WDR72: variants seen among roughly 807,000 people sequenced by gnomAD.
WDR72 encodes the protein WD repeat domain 72, also known as WD repeat-containing protein 72.
In WDR72, 120 loss-of-function variants were observed where a neutral mutation model predicts 124.2. The ratio of observed to expected loss-of-function variants is 0.97; its 90% CI spans 0.83 to 1.12. The LOEUF is 1.12. Among genes scored for constraint, WDR72 ranks in the 50% most tolerant of loss-of-function variants. WDR72 has a pLI of 0.00. For synonymous variants in WDR72, 452 were observed against 441.7 expected (o/e 1.02, Z -0.29); for missense variants, 1,387 against 1,278.8 (o/e 1.08, Z -1.29).
At chr15:53,761,492 A>T (rs554913276), upstream of WDR72, among the ~76,000 whole-genome samples, 5 of 152,324 alleles carry the variant, frequency 3.3e-5, no homozygotes, top group East Asian at 9.7e-4. Context: ...AAAAGAAATC[A>T]ATATATCCAA....
At chr15:53,613,822 C>A (rs568447172) in intron 15 of WDR72, 65 bp from the exon 16 acceptor site, 75 of 1,127,888 alleles carry the variant, frequency 6.6e-5, no homozygotes, top group Non-Finnish European at 8.9e-5. Flanking sequence ...GGAAATAAAT[C>A]AAAGATATGG....
chr15:53,713,413 A>ATTTTATTTTATTTTATTTTATTTTG (rs2017608315), intron 6 of WDR72, among the ~76,000 whole-genome samples: 2 of 112,526 alleles, frequency 1.8e-5, no homozygotes, highest in African/African-American at 7.1e-5. Flanking sequence ...ATTTTGTTGT[A>ATTTTATTTTATTTTATTTTATTTTG]TTTTATTTTA....
At chr15:53,758,877 A>G (rs28625061) in intron 1 of WDR72, among the ~76,000 whole-genome samples, 1 of 151,598 alleles carries the variant, frequency 6.6e-6, no homozygotes, top group East Asian at 2.0e-4. Context: ...AAATGCTATA[A>G]TAAGTGGGGA....
intron 13 of WDR72, among the ~76,000 whole-genome samples, chr15:53,671,335 A>C (rs1316317485): frequency 2.6e-5 from 4 of 152,184 alleles, no homozygotes; most frequent in Non-Finnish European, 4.4e-5. Context: ...TCACCTCCTC[A>C]GAGAAGCCTT....
At chr15:53,571,408 C>T (rs1894521887) in intron 18 of WDR72, among the ~76,000 whole-genome samples, 1 of 152,144 alleles carries the variant, frequency 6.6e-6, no homozygotes, top group South Asian at 2.1e-4. Context: ...AACTACTACC[C>T]TATTCTCTGC....
intron 14 of WDR72, among the ~76,000 whole-genome samples, chr15:53,634,683 C>T (rs544924379): frequency 6.6e-6 from 1 of 152,274 alleles, no homozygotes; most frequent in South Asian, 2.1e-4. Context: ...TTAACCTACT[C>T]CAGTCAGTGC....
At chr15:53,712,279 A>G (rs183526436) in intron 7 of WDR72, among the ~76,000 whole-genome samples, 2 of 152,310 alleles carry the variant, frequency 1.3e-5, no homozygotes, top group Admixed American at 1.3e-4. Context: ...AGTATATCCT[A>G]ATTTTATTAA....
At chr15:53,715,143 G>C (rs2017666967) in intron 5 of WDR72, 50 bp downstream of exon 5, 1 of 1,586,634 alleles carries the variant, frequency 6.3e-7, no homozygotes, top group Non-Finnish European at 8.6e-7. Flanking sequence ...TTCAAAAGTA[G>C]ATATTTTTAT....
intron 13 of WDR72, among the ~76,000 whole-genome samples, chr15:53,686,637 C>T (rs1162938248): frequency 2.3e-4 from 34 of 149,206 alleles, no homozygotes; most frequent in African/African-American, 6.4e-4. Context: ...CCACTGTCAA[C>T]GTTAGACAGA....
At chr15:53,600,874 TC>T (rs1271057712) in intron 17 of WDR72, among the ~76,000 whole-genome samples, 1 of 152,182 alleles carries the variant, frequency 6.6e-6, no homozygotes, top group African/African-American at 2.4e-5. Flanking sequence ...AAATTAGCAA[TC>T]CCCAAACTTT....
chr15:53,703,172 C>A (rs1165334874), intron 11 of WDR72, among the ~76,000 whole-genome samples: 2 of 152,200 alleles, frequency 1.3e-5, no homozygotes, highest in Non-Finnish European at 2.9e-5. Flanking sequence ...CCTCAGCCTT[C>A]CAAAGTGCTG....
intron 1 of WDR72, among the ~76,000 whole-genome samples, chr15:53,753,937 T>C (rs11635620): frequency 0.14 from 21,020 of 152,110 alleles, 1,909 homozygotes; most frequent in Middle Eastern, 0.2. Flanking sequence ...CATCCCTAGA[T>C]TTGTATGACC....
At chr15:53,734,096 A>G (rs1026576609) in intron 1 of WDR72, among the ~76,000 whole-genome samples, 3 of 152,188 alleles carry the variant, frequency 2.0e-5, no homozygotes, top group Non-Finnish European at 4.4e-5. Flanking sequence ...GTAAATACCA[A>G]TATAAATTTT....
intron 14 of WDR72, among the ~76,000 whole-genome samples, chr15:53,652,483 G>C (rs946772966): frequency 3.9e-5 from 6 of 152,142 alleles, no homozygotes; most frequent in African/African-American, 1.4e-4. Flanking sequence ...AATTGTACTA[G>C]TCTTTGCATC....
intron 1 of WDR72, among the ~76,000 whole-genome samples, chr15:53,747,556 C>T (rs1297910925): frequency 6.6e-6 from 1 of 152,176 alleles, no homozygotes; most frequent in Non-Finnish European, 1.5e-5. Flanking sequence ...ACACTCATGA[C>T]CTGGAACACA....
At chr15:53,726,402 T>A (rs2018040356) in intron 2 of WDR72, among the ~76,000 whole-genome samples, 1 of 151,360 alleles carries the variant, frequency 6.6e-6, no homozygotes, top group African/African-American at 2.4e-5. Context: ...TACCTTCCAG[T>A]CAGTTTTGCT....
Position 53,617,463 on chromosome 15 carries a change from T to G in WDR72, c.1963-1220A>C, listed in dbSNP as rs546571732. ...TTTTACAGTGATGATATATTTAATT[T>G]TCAATAATAAAAAAGGAAAGTTTAA... On this transcript the variant is annotated intron_variant, in intron 14 of 19. Coordinates refer to ENST00000360509, the MANE Select transcript of WDR72 (RefSeq NM_182758.4). Among the ~76,000 whole-genome samples, 3 of 151,638 alleles carry G rather than the reference T, an allele frequency of 2.0e-5. No individual in the cohort carries two copies. In the South Asian group the frequency reaches 6.2e-4, roughly 31 times the overall value.
chr15:53,597,390 T>G, intron 17 of WDR72, 116 bp from the exon 18 acceptor site: 1 of 988,682 alleles, frequency 1.0e-6, no homozygotes, highest in South Asian at 1.6e-5. Context: ...AAACGATAAC[T>G]TTTCATACTT....
chr15:53,761,889 G>A (rs1469460630), upstream of WDR72, among the ~76,000 whole-genome samples: 1 of 152,036 alleles, frequency 6.6e-6, no homozygotes, highest in African/African-American at 2.4e-5. Context: ...ATAGGGAAAA[G>A]CCATTAAAAG....
Sources: gnomAD v4.1 joint callset for allele counts (sites outside exome capture counted in the v4.1 genomes callset) on GRCh38, gnomAD v4.1.1 for gene constraint, MANE v1.5 for transcripts, NCBI Gene and HGNC (gene_info 2026-07-23, HGNC 2026-07-21) for gene names.